The following CLSTN2 variants were observed in gnomAD, a reference collection of about 807,000 sequenced individuals.
CLSTN2 encodes the protein calsyntenin 2.
CLSTN2 carries 48 observed loss-of-function variants against 101.2 expected under a neutral mutation model. The observed-to-expected ratio is 0.47, with a 90% confidence interval of 0.38 to 0.60. The LOEUF is 0.60. CLSTN2 is among the 20% of genes least tolerant of loss of function. The pLI is 0.00. For synonymous variants in CLSTN2, 481 were observed against 463.6 expected (o/e 1.04, Z -0.48); for missense variants, 1,160 against 1,238.2 (o/e 0.94, Z 0.95).
chr3:140,564,296 G>A, intron 16 of CLSTN2, 151 bp downstream of exon 16: 1 of 656,876 alleles, frequency 1.5e-6, no homozygotes, highest in South Asian at 1.9e-5. Flanking sequence ...CTGTCTCTGA[G>A]CTCCTCTAGC....
chr3:140,165,202 G>A (rs1270169335), intron 1 of CLSTN2, among the ~76,000 whole-genome samples: 11 of 152,306 alleles, frequency 7.2e-5, no homozygotes, highest in African/African-American at 2.6e-4. Context: ...AATATAGGTT[G>A]TCTCTGATTA....
intron 1 of CLSTN2, among the ~76,000 whole-genome samples, chr3:140,070,689 G>GT (rs1300413025): frequency 6.6e-6 from 1 of 152,106 alleles, no homozygotes; most frequent in Non-Finnish European, 1.5e-5. Context: ...CAAAAGGTTT[G>GT]TTTTTTCTTG....
intron 1 of CLSTN2, among the ~76,000 whole-genome samples, chr3:140,047,528 C>A (rs895773535): frequency 2.6e-5 from 4 of 152,088 alleles, no homozygotes; most frequent in African/African-American, 9.7e-5. Flanking sequence ...TGTCTTAGTT[C>A]ATTTTCTGTT....
intron 2 of CLSTN2, among the ~76,000 whole-genome samples, chr3:140,313,850 A>T (rs1377696537): frequency 1.3e-5 from 2 of 152,230 alleles, no homozygotes; most frequent in Non-Finnish European, 2.9e-5. Context: ...TGGGAAGGTG[A>T]CATCTGCCAG....
At chr3:140,355,115 T>A (rs2087655336) in intron 2 of CLSTN2, among the ~76,000 whole-genome samples, 1 of 152,212 alleles carries the variant, frequency 6.6e-6, no homozygotes, top group South Asian at 2.1e-4. Flanking sequence ...AGCAGTTGTA[T>A]AAGCCCAGGG....
chr3:140,504,326 C>A (rs114240898), intron 8 of CLSTN2, among the ~76,000 whole-genome samples: 2,307 of 149,976 alleles, frequency 0.015, 51 homozygotes, highest in African/African-American at 0.054. Context: ...TTACAAATTA[C>A]TAATATTATA....
chr3:140,456,554 A>T (rs1933404044), intron 6 of CLSTN2, among the ~76,000 whole-genome samples: 1 of 152,208 alleles, frequency 6.6e-6, no homozygotes, highest in South Asian at 2.1e-4. Context: ...TGGGAGGCTG[A>T]GGCGGGCAGA....
intron 9 of CLSTN2, among the ~76,000 whole-genome samples, chr3:140,541,572 A>G (rs182895248): frequency 1.3e-5 from 2 of 152,340 alleles, no homozygotes; most frequent in African/African-American, 4.8e-5. Flanking sequence ...TAGGGGGCAC[A>G]CAAATATTTC....
At chr3:140,143,178 T>A (rs567123451) in intron 1 of CLSTN2, among the ~76,000 whole-genome samples, 1 of 152,274 alleles carries the variant, frequency 6.6e-6, no homozygotes, top group Admixed American at 6.5e-5. Context: ...ATAATGACAA[T>A]CATCGTCATG....
intron 4 of CLSTN2, among the ~76,000 whole-genome samples, chr3:140,413,012 C>T (rs1368825898): frequency 1.3e-5 from 2 of 151,864 alleles, no homozygotes; most frequent in Non-Finnish European, 2.9e-5. Context: ...AAACTAAACC[C>T]TAAATTAGTA....
chr3:140,175,202 A>G (rs1165315255), intron 1 of CLSTN2, among the ~76,000 whole-genome samples: 1 of 152,176 alleles, frequency 6.6e-6, no homozygotes, highest in Non-Finnish European at 1.5e-5. Context: ...TAGGATATCA[A>G]TGTATTTTTT....
At chr3:140,456,229 A>C (rs1490517544) in intron 6 of CLSTN2, among the ~76,000 whole-genome samples, 1 of 152,194 alleles carries the variant, frequency 6.6e-6, no homozygotes, top group African/African-American at 2.4e-5. Context: ...GAAGGTTACA[A>C]GATCTCCCTC....
At chr3:140,245,791 G>A (rs4615040) in intron 2 of CLSTN2, among the ~76,000 whole-genome samples, 147,391 of 152,282 alleles carry the variant, frequency 0.97, 71,502 homozygotes, top group East Asian at 1. Flanking sequence ...TCAGAAAGGT[G>A]CCAGTCTTCC....
At chr3:140,115,586 C>T (rs2009228450) in intron 1 of CLSTN2, among the ~76,000 whole-genome samples, 1 of 152,142 alleles carries the variant, frequency 6.6e-6, no homozygotes, top group Non-Finnish European at 1.5e-5. Flanking sequence ...AGATTTTCTC[C>T]CCAAACCAGC....
chr3:140,135,085 AAAAC>A (rs1207703249), intron 1 of CLSTN2, among the ~76,000 whole-genome samples: 36 of 25,020 alleles, frequency 1.4e-3, no homozygotes, highest in African/African-American at 3.8e-3. Flanking sequence ...GCCTCTCAAA[AAAAC>A]ACACACACAC....
At chr3:140,323,868 T>C (rs1467844145) in intron 2 of CLSTN2, among the ~76,000 whole-genome samples, 3 of 152,248 alleles carry the variant, frequency 2.0e-5, no homozygotes, top group African/African-American at 4.8e-5. Context: ...AGCATGGGCT[T>C]CTGTCCTGAG....
At chr3:140,307,310 C>G (rs1291578000) in intron 2 of CLSTN2, among the ~76,000 whole-genome samples, 1 of 152,224 alleles carries the variant, frequency 6.6e-6, no homozygotes, top group Non-Finnish European at 1.5e-5. Context: ...CAAACCCTGT[C>G]TAGCTTCCTG....
At chr3:140,017,225 G>T (rs148029592) in intron 1 of CLSTN2, among the ~76,000 whole-genome samples, 1 of 152,258 alleles carries the variant, frequency 6.6e-6, no homozygotes, top group Non-Finnish European at 1.5e-5. Context: ...GTCTGGAGAT[G>T]GCTTGAGCCT....
intron 2 of CLSTN2, among the ~76,000 whole-genome samples, chr3:140,365,899 T>C (rs1000209672): frequency 2.6e-5 from 4 of 152,216 alleles, no homozygotes; most frequent in African/African-American, 4.8e-5. Flanking sequence ...TGAGCTTGCA[T>C]AGAGGGCCTC....
Sources: gnomAD v4.1 joint callset for allele counts (sites outside exome capture counted in the v4.1 genomes callset) on GRCh38, gnomAD v4.1.1 for gene constraint, MANE v1.5 for transcripts, NCBI Gene and HGNC (gene_info 2026-07-23, HGNC 2026-07-21) for gene names.